The following NDUFAF6 variants were observed in gnomAD, a reference collection of about 807,000 sequenced individuals.
NDUFAF6 encodes NADH dehydrogenase (ubiquinone) complex I, assembly factor 6.
A neutral mutation model predicts 40.8 loss-of-function variants in NDUFAF6; 45 were observed. The ratio of observed to expected loss-of-function variants is 1.10; its 90% CI spans 0.87 to 1.42. The LOEUF is 1.42. NDUFAF6 is among the 40% of genes most tolerant of loss of function. NDUFAF6 has a pLI of 0.00. For synonymous variants in NDUFAF6, 185 were observed against 155.9 expected (o/e 1.19, Z -1.39); for missense variants, 435 against 418.5 (o/e 1.04, Z -0.34).
intron 1 of NDUFAF6, among the ~76,000 whole-genome samples, chr8:94,908,103 T>C (rs984423372): frequency 1.3e-5 from 2 of 152,214 alleles, no homozygotes; most frequent in Non-Finnish European, 2.9e-5. Flanking sequence ...CATTTTCAAG[T>C]CTAAGTCCCA....
intron 1 of NDUFAF6, among the ~76,000 whole-genome samples, chr8:94,941,467 GC>G (rs760390217): frequency 5.3e-5 from 8 of 152,186 alleles, no homozygotes; most frequent in Non-Finnish European, 1.2e-4. Flanking sequence ...CAGCAACAGT[GC>G]CTGGTGACCA....
intron 2 of NDUFAF6, among the ~76,000 whole-genome samples, chr8:95,013,043 T>C (rs1827291913): frequency 6.6e-6 from 1 of 152,154 alleles, no homozygotes; most frequent in Admixed American, 6.5e-5. Context: ...TCTACTCTTC[T>C]ATTTTCAAAG....
chr8:94,984,281 G>C (rs945094037), intron 2 of NDUFAF6: 2 of 152,130 alleles, frequency 1.3e-5, no homozygotes, highest in Admixed American at 6.5e-5. Context: ...ATAGAGACCA[G>C]TGCTTAACAG....
At chr8:94,905,196 A>G (rs1818313046) in intron 1 of NDUFAF6, among the ~76,000 whole-genome samples, 1 of 152,076 alleles carries the variant, frequency 6.6e-6, no homozygotes, top group African/African-American at 2.4e-5. Flanking sequence ...ACTATGTCTC[A>G]AGAAAAAAAA....
intron 1 of NDUFAF6, among the ~76,000 whole-genome samples, chr8:94,976,256 G>A (rs6471502): frequency 0.51 from 74,766 of 146,790 alleles, 19,288 homozygotes; most frequent in East Asian, 0.73. Context: ...CTGTAATCCC[G>A]GCACTTTGGG....
At chr8:95,114,858 A>C (rs1421033691) in intron 4 of NDUFAF6, among the ~76,000 whole-genome samples, 1 of 152,220 alleles carries the variant, frequency 6.6e-6, no homozygotes, top group African/African-American at 2.4e-5. Flanking sequence ...AAAATAAGCT[A>C]ATATAAATGT....
chr8:95,009,142 G>A (rs1226019489), intron 2 of NDUFAF6, among the ~76,000 whole-genome samples: 1 of 151,658 alleles, frequency 6.6e-6, no homozygotes, highest in African/African-American at 2.4e-5. Flanking sequence ...TGAGGCTGCA[G>A]TGAGCCATGA....
intron 1 of NDUFAF6, among the ~76,000 whole-genome samples, chr8:94,965,120 C>T (rs573554087): frequency 6.6e-6 from 1 of 152,302 alleles, no homozygotes; most frequent in Non-Finnish European, 1.5e-5. Flanking sequence ...TCATCCTGCC[C>T]AGTCGGCCCT....
chr8:94,984,638 T>C (rs533834842), intron 2 of NDUFAF6, among the ~76,000 whole-genome samples: 36 of 152,346 alleles, frequency 2.4e-4, no homozygotes, highest in African/African-American at 7.5e-4. Context: ...TTGCAAAGCC[T>C]ATCCACAGTT....
chr8:95,116,799 C>T (rs111647257), downstream of NDUFAF6, among the ~76,000 whole-genome samples: 4 of 152,304 alleles, frequency 2.6e-5, no homozygotes, highest in East Asian at 5.8e-4. Context: ...ACCCAACTTA[C>T]GCTGACTTAA....
At chr8:94,908,969 AC>A (rs1310671223) in intron 1 of NDUFAF6, among the ~76,000 whole-genome samples, 1 of 152,128 alleles carries the variant, frequency 6.6e-6, no homozygotes, top group Admixed American at 6.5e-5. Context: ...CAAATCCTGA[AC>A]CCCTCACTCA....
intron 1 of NDUFAF6, among the ~76,000 whole-genome samples, chr8:94,973,631 C>A (rs1296658149): frequency 1.3e-5 from 2 of 151,450 alleles, no homozygotes; most frequent in African/African-American, 4.9e-5. Context: ...TTGCTTGAAC[C>A]TGGGAGGTGG....
chr8:95,110,169 C>A (rs907619626), intron 4 of NDUFAF6, among the ~76,000 whole-genome samples: 19 of 152,268 alleles, frequency 1.2e-4, no homozygotes, highest in African/African-American at 4.1e-4. Flanking sequence ...GTTGGAGGAG[C>A]AAATACTTTA....
intron 2 of NDUFAF6, among the ~76,000 whole-genome samples, chr8:95,007,068 C>T (rs1563785392): frequency 6.6e-6 from 1 of 151,156 alleles, no homozygotes; most frequent in Admixed American, 6.6e-5. Context: ...TTCCTTATTT[C>T]CAGGTTTCTT....
chr8:95,004,236 C>A (rs1826859305), intron 2 of NDUFAF6, among the ~76,000 whole-genome samples: 1 of 152,054 alleles, frequency 6.6e-6, no homozygotes, highest in African/African-American at 2.4e-5. Context: ...GACTATAGCT[C>A]CTAAGGGCAC....
chr8:94,920,206 C>T (rs964975555), intron 1 of NDUFAF6, among the ~76,000 whole-genome samples: 1 of 152,186 alleles, frequency 6.6e-6, no homozygotes, highest in African/African-American at 2.4e-5. Context: ...CTGGATATAA[C>T]TCGGTGTCTT....
chr8:95,103,804 G>T (rs142120319), downstream of NDUFAF6, among the ~76,000 whole-genome samples: 183 of 152,308 alleles, frequency 1.2e-3, 3 homozygotes, highest in East Asian at 0.027. Context: ...GAAGAAGTTG[G>T]AGTAGGGCAA....
intron 2 of NDUFAF6, among the ~76,000 whole-genome samples, chr8:94,982,888 A>G (rs1300791994): frequency 6.6e-6 from 1 of 152,242 alleles, no homozygotes; most frequent in Non-Finnish European, 1.5e-5. Context: ...TTGTTCACCT[A>G]AAAGGAGGAC....
At chr8:94,991,655 T>C (rs143107570) in intron 2 of NDUFAF6, among the ~76,000 whole-genome samples, 15 of 152,292 alleles carry the variant, frequency 9.8e-5, no homozygotes, top group Admixed American at 3.9e-4. Flanking sequence ...TACAGAAATA[T>C]AAGCAAATTA....
Sources: gnomAD v4.1 joint callset for allele counts (sites outside exome capture counted in the v4.1 genomes callset) on GRCh38, gnomAD v4.1.1 for gene constraint, MANE v1.5 for transcripts, NCBI Gene and HGNC (gene_info 2026-07-23, HGNC 2026-07-21) for gene names.